TXLNB: variants seen among roughly 807,000 people sequenced by gnomAD.
TXLNB encodes the protein beta-taxilin.
Under a neutral mutation model 57.4 loss-of-function variants are expected in TXLNB, and 37 were observed. The observed-to-expected ratio is 0.64, with a 90% confidence interval of 0.50 to 0.85. The LOEUF is 0.85. Ranked by LOEUF, TXLNB falls within the 40% of genes least tolerant of loss-of-function variation. TXLNB has a pLI of 0.00. For missense variants in TXLNB, 848 were observed against 825.6 expected (o/e 1.03, Z -0.33); for synonymous variants, 302 against 309.6 (o/e 0.98, Z 0.26).
chr6:139,254,741 A>G (rs1340604627), intron 7 of TXLNB, among the ~76,000 whole-genome samples: 1 of 152,192 alleles, frequency 6.6e-6, no homozygotes, highest in Non-Finnish European at 1.5e-5. Flanking sequence ...CTTGCCTGAC[A>G]CTTGTATCCA....
intron 3 of TXLNB, 34 bp downstream of exon 3, chr6:139,276,796 C>A: frequency 6.5e-7 from 1 of 1,543,788 alleles, no homozygotes; most frequent in South Asian, 1.2e-5. Context: ...GCTCACTAAT[C>A]GTTCTGAGAA....
chr6:139,217,651 G>C, the TXLNB span, among the ~76,000 whole-genome samples: 1 of 151,904 alleles, frequency 6.6e-6, no homozygotes, highest in Non-Finnish European at 1.5e-5. Flanking sequence ...GGCAGATCAC[G>C]AGCTCAGAAG....
the TXLNB span, among the ~76,000 whole-genome samples, chr6:139,301,675 G>A: frequency 6.6e-6 from 1 of 152,168 alleles, no homozygotes; most frequent in African/African-American, 2.4e-5. Context: ...GCCCCACACA[G>A]AATGGGGCAA....
the TXLNB span, among the ~76,000 whole-genome samples, chr6:139,197,119 T>C: frequency 6.6e-6 from 1 of 152,192 alleles, no homozygotes; most frequent in African/African-American, 2.4e-5. Flanking sequence ...TCTCTTTTAC[T>C]GTTCTACTCT....
At chr6:139,221,936 T>G in the TXLNB span, among the ~76,000 whole-genome samples, 2 of 152,208 alleles carry the variant, frequency 1.3e-5, no homozygotes, top group East Asian at 3.9e-4. Flanking sequence ...TTGAAATGCC[T>G]ATGGTATCCA....
the TXLNB span, among the ~76,000 whole-genome samples, chr6:139,159,514 A>G: frequency 6.6e-6 from 1 of 151,702 alleles, no homozygotes; most frequent in African/African-American, 2.4e-5. Context: ...GAATGATGTT[A>G]GTTTGAGGAA....
At chr6:139,183,882 T>C in the TXLNB span, among the ~76,000 whole-genome samples, 2 of 147,154 alleles carry the variant, frequency 1.4e-5, no homozygotes, top group East Asian at 1.9e-4. Context: ...TAGTTGTAGA[T>C]TACAGAAGCA....
the TXLNB span, among the ~76,000 whole-genome samples, chr6:139,307,241 G>A: frequency 5.9e-5 from 9 of 152,236 alleles, no homozygotes; most frequent in East Asian, 1.9e-4. Flanking sequence ...TCACTTTGCC[G>A]CTCAGGCTGG....
chr6:139,243,854 C>T (rs1776008685), intron 9 of TXLNB, among the ~76,000 whole-genome samples: 1 of 152,112 alleles, frequency 6.6e-6, no homozygotes, highest in Non-Finnish European at 1.5e-5. Context: ...AGAAATTCAC[C>T]ATATACTAAT....
the TXLNB span, among the ~76,000 whole-genome samples, chr6:139,186,577 T>TA: frequency 5.3e-5 from 8 of 152,190 alleles, no homozygotes; most frequent in Non-Finnish European, 1.0e-4. Flanking sequence ...CTTAAAAAGT[T>TA]AAACATGTGC....
the TXLNB span, among the ~76,000 whole-genome samples, chr6:139,173,404 AG>A: frequency 6.6e-6 from 1 of 152,210 alleles, no homozygotes; most frequent in African/African-American, 2.4e-5. Context: ...ATGCAAACGA[AG>A]GGCTCCCCCT....
intron 4 of TXLNB, among the ~76,000 whole-genome samples, chr6:139,268,752 A>C (rs1776679455): frequency 6.6e-6 from 1 of 152,168 alleles, no homozygotes; most frequent in Admixed American, 6.5e-5. Context: ...CATAATAATA[A>C]TACTTAATGT....
chr6:139,310,433 C>T, the TXLNB span, among the ~76,000 whole-genome samples: 1 of 152,132 alleles, frequency 6.6e-6, no homozygotes, highest in Non-Finnish European at 1.5e-5. Context: ...AAAGTGATAC[C>T]TTCCAAAACA....
chr6:139,220,299 C>T, the TXLNB span, among the ~76,000 whole-genome samples: 1 of 152,176 alleles, frequency 6.6e-6, no homozygotes, highest in Non-Finnish European at 1.5e-5. Context: ...GTTTGTAAGC[C>T]ACCCCGTCTA....
At chr6:139,302,072 T>C in the TXLNB span, among the ~76,000 whole-genome samples, 2 of 150,582 alleles carry the variant, frequency 1.3e-5, no homozygotes, top group Non-Finnish European at 2.9e-5. Flanking sequence ...GGTAAAAGCA[T>C]ATGATAAAAA....
At chr6:139,205,764 G>C in the TXLNB span, among the ~76,000 whole-genome samples, 1 of 152,144 alleles carries the variant, frequency 6.6e-6, no homozygotes, top group Non-Finnish European at 1.5e-5. Flanking sequence ...CTATTTGAGG[G>C]AATAACTGAG....
chr6:139,318,076 T>C, the TXLNB span, among the ~76,000 whole-genome samples: 2 of 151,840 alleles, frequency 1.3e-5, no homozygotes, highest in Admixed American at 6.6e-5. Context: ...GAGACCATCC[T>C]GGCTAACACA....
chr6:139,267,405 T>C (rs1776643317), intron 4 of TXLNB, among the ~76,000 whole-genome samples: 1 of 152,168 alleles, frequency 6.6e-6, no homozygotes, highest in Non-Finnish European at 1.5e-5. Flanking sequence ...TTATGTGAAG[T>C]AATACAACAT....
upstream of TXLNB, among the ~76,000 whole-genome samples, chr6:139,292,910 C>G (rs139343986): frequency 3.3e-5 from 5 of 152,266 alleles, no homozygotes; most frequent in Admixed American, 2.0e-4. The surrounding 1 kb of genome is among the most constrained non-coding windows in gnomAD (Gnocchi z 4.0). Context: ...TGGGGACAGG[C>G]TAGGCATAGT....
Sources: gnomAD v4.1 joint callset for allele counts (sites outside exome capture counted in the v4.1 genomes callset) on GRCh38, gnomAD v4.1.1 for gene constraint, Gnocchi (gnomAD v3.1) non-coding constraint, MANE v1.5 for transcripts, NCBI Gene and HGNC (gene_info 2026-07-23, HGNC 2026-07-21) for gene names.